Variants in CSMD1 observed in about 807,000 individuals in gnomAD.
CSMD1 encodes CUB and sushi domain-containing protein 1.
Under a neutral mutation model 417.5 loss-of-function variants are expected in CSMD1, and 213 were observed. The observed-to-expected ratio is 0.51, with a 90% confidence interval of 0.46 to 0.57. The LOEUF (loss-of-function observed/expected upper bound fraction) is 0.57. Among genes scored for constraint, CSMD1 ranks in the 20% least tolerant of loss-of-function variants. The pLI, the probability that CSMD1 is intolerant of heterozygous loss-of-function variation, is 0.00. For synonymous variants in CSMD1, 2,862 were observed against 1,736.8 expected, an observed-to-expected ratio of 1.65 and a Z score of -16.11; for missense variants, 6,923 against 4,529.7, an observed-to-expected ratio of 1.53 and a Z score of -15.17.
intron 51 of CSMD1, among the ~76,000 whole-genome samples, chr8:3,023,828 C>G (rs1333816692): frequency 6.6e-6 from 1 of 150,414 alleles, no homozygotes; most frequent in Non-Finnish European, 1.5e-5. Context: ...ACAAGCAGGG[C>G]CACTCTAAAA....
intron 3 of CSMD1, among the ~76,000 whole-genome samples, chr8:4,140,525 G>A (rs1803722419): frequency 1.3e-5 from 2 of 150,788 alleles, no homozygotes; most frequent in African/African-American, 2.5e-5. Flanking sequence ...AAAATTAGCT[G>A]AGTGTGGTGG....
chr8:4,196,189 C>T (rs905068609), intron 3 of CSMD1, among the ~76,000 whole-genome samples: 17 of 152,054 alleles, frequency 1.1e-4, no homozygotes, highest in African/African-American at 4.1e-4. Context: ...CCAGCCTGGG[C>T]GACGGAGCAA....
At chr8:3,186,158 T>C (rs1007903056) in intron 36 of CSMD1, among the ~76,000 whole-genome samples, 2 of 151,858 alleles carry the variant, frequency 1.3e-5, no homozygotes, top group Non-Finnish European at 2.9e-5. Context: ...GTGTAGATTT[T>C]AACTTGTGTT....
intron 1 of CSMD1, among the ~76,000 whole-genome samples, chr8:4,876,208 C>A (rs904350090): frequency 1.3e-5 from 2 of 152,040 alleles, no homozygotes; most frequent in African/African-American, 4.8e-5. Flanking sequence ...ATGTAGGCCA[C>A]TTTTGGAGCT....
chr8:4,223,655 G>C (rs1324090051), intron 3 of CSMD1, among the ~76,000 whole-genome samples: 1 of 152,202 alleles, frequency 6.6e-6, no homozygotes, highest in Non-Finnish European at 1.5e-5. Flanking sequence ...TTAAACCCCA[G>C]TCTGTCTGTG....
At chr8:4,526,412 C>A (rs1413484605) in intron 2 of CSMD1, among the ~76,000 whole-genome samples, 1 of 152,092 alleles carries the variant, frequency 6.6e-6, no homozygotes, top group Non-Finnish European at 1.5e-5. Flanking sequence ...TTATGTATGC[C>A]CAAGGGCAAA....
intron 5 of CSMD1, among the ~76,000 whole-genome samples, chr8:3,798,751 T>C (rs1800300614): frequency 1.3e-5 from 2 of 152,050 alleles, no homozygotes; most frequent in Non-Finnish European, 2.9e-5. Flanking sequence ...TATAGATCAG[T>C]ATTTAGAAAT....
At chr8:3,203,688 C>G (rs1333836907) in intron 31 of CSMD1, among the ~76,000 whole-genome samples, 1 of 152,166 alleles carries the variant, frequency 6.6e-6, no homozygotes, top group Non-Finnish European at 1.5e-5. Context: ...AAAACAAACA[C>G]TTTGCTCCAT....
In CSMD1 at chr8:3,803,815, G is replaced by C. The variant is rs149208948; in HGVS notation, c.819-49773C>G. ...CTTTCTGCCTACTATGTGGAGAATG[G>C]ACCACTGTAGACACCTTAATAAACA... On this transcript the variant is annotated intron_variant, in intron 5 of 69. Coordinates refer to ENST00000635120, the MANE Select transcript of CSMD1 (RefSeq NM_033225.6). 7.9e-3 allele frequency among the ~76,000 whole-genome samples: 1,204 copies of C among 152,296 alleles called. 19 individuals carry two copies. The highest frequency in any genetic ancestry group is 0.028 in the African/African-American group (1,147 of 41,564).
At chr8:4,159,586 G>A (rs1327143441) in intron 3 of CSMD1, among the ~76,000 whole-genome samples, 2 of 152,138 alleles carry the variant, frequency 1.3e-5, no homozygotes, top group African/African-American at 4.8e-5. Context: ...TGGGATTGCA[G>A]ACCATTATTA....
chr8:3,718,654 G>A (rs1335054149), intron 6 of CSMD1, among the ~76,000 whole-genome samples: 1 of 152,166 alleles, frequency 6.6e-6, no homozygotes, highest in African/African-American at 2.4e-5. Context: ...TGGAGGATTA[G>A]CGTGAGAATG....
At chr8:3,195,237 C>G (rs1796639667) in intron 33 of CSMD1, among the ~76,000 whole-genome samples, 2 of 152,092 alleles carry the variant, frequency 1.3e-5, no homozygotes, top group Non-Finnish European at 2.9e-5. Context: ...TCATGCACAT[C>G]AGAGGGATGC....
Position 3,471,387 on chromosome 8 carries a change from A to G in CSMD1, c.1449-2563T>C, listed in dbSNP as rs138950451. Among the ~76,000 whole-genome samples the G allele has an allele frequency of 6.8e-3, 1,040 of 152,292 alleles. 19 individuals carry two copies. The highest frequency in any genetic ancestry group is 0.023 in the African/African-American group (936 of 41,556). On this transcript the variant is annotated intron_variant, in intron 11 of 69. Coordinates refer to ENST00000635120, the MANE Select transcript of CSMD1 (RefSeq NM_033225.6). ...AAATTAGCAGTTTTGATTTAAATAT[A>G]GTCAATTTTGGTTCCACATGCAATT...
chr8:3,233,782 A>T (rs1798990609), intron 26 of CSMD1, among the ~76,000 whole-genome samples: 1 of 152,088 alleles, frequency 6.6e-6, no homozygotes, highest in Non-Finnish European at 1.5e-5. Flanking sequence ...AATTCTTTGC[A>T]TTCTGCTTTG....
intron 5 of CSMD1, among the ~76,000 whole-genome samples, chr8:3,871,980 C>G (rs779473042): frequency 6.6e-6 from 1 of 152,140 alleles, no homozygotes; most frequent in African/African-American, 2.4e-5. Flanking sequence ...AGCTACAAAC[C>G]TGCACTATTT....
intron 6 of CSMD1, among the ~76,000 whole-genome samples, chr8:3,735,818 G>A (rs983740102): frequency 2.0e-5 from 3 of 152,148 alleles, no homozygotes; most frequent in Non-Finnish European, 2.9e-5. Flanking sequence ...CTTTCTATCA[G>A]TATTCATTTT....
At chr8:4,937,479 G>C (rs1223311521) in intron 1 of CSMD1, among the ~76,000 whole-genome samples, 1 of 151,990 alleles carries the variant, frequency 6.6e-6, no homozygotes, top group South Asian at 2.1e-4. Context: ...CTTATGTGTT[G>C]GATGAAAAGA....
At chr8:4,960,514 G>C (rs761553615) in intron 1 of CSMD1, among the ~76,000 whole-genome samples, 13 of 152,124 alleles carry the variant, frequency 8.5e-5, no homozygotes, top group Non-Finnish European at 1.5e-4. Context: ...CAAGGAACAA[G>C]ATAGATGTAA....
At chr8:3,815,526 CAAACA>C (rs1056123232) in intron 5 of CSMD1, among the ~76,000 whole-genome samples, 3 of 148,442 alleles carry the variant, frequency 2.0e-5, no homozygotes, top group African/African-American at 7.6e-5. Context: ...AACAAGATAT[CAAACA>C]AAATAAAAGA....
Sources: gnomAD v4.1 joint callset for allele counts (sites outside exome capture counted in the v4.1 genomes callset) on GRCh38, gnomAD v4.1.1 for gene constraint, MANE v1.5 for transcripts, NCBI Gene and HGNC (gene_info 2026-07-23, HGNC 2026-07-21) for gene names.